Variants in FRMD3 observed in about 807,000 individuals in gnomAD.
The protein encoded by FRMD3 is FERM domain-containing protein 3.
In FRMD3, 33 loss-of-function variants were observed where a neutral mutation model predicts 70.2. That is an observed-to-expected ratio of 0.47 (90% CI 0.36 to 0.63). FRMD3 has a LOEUF of 0.63. FRMD3 is among the 20% of genes least tolerant of loss of function. The pLI is 0.00. For missense variants in FRMD3, 632 were observed against 711.4 expected (o/e 0.89, Z 1.27); for synonymous variants, 279 against 255.9 (o/e 1.09, Z -0.86).
intron 1 of FRMD3, among the ~76,000 whole-genome samples, chr9:83,398,718 G>A (rs865831687): frequency 2.8e-4 from 43 of 152,306 alleles, no homozygotes; most frequent in Middle Eastern, 3.4e-3. Context: ...CTGTTTTAGA[G>A]TAATAATTAG....
chr9:83,421,232 G>A lies in FRMD3; in HGVS notation c.148-31524C>T, dbSNP rs578071419. On this transcript the variant is annotated intron_variant, in intron 1 of 13. Transcript: ENST00000304195. Reference sequence around the variant, plus strand: ...TGGGATTACAGGCGTGAGCCACCGCGCCCGGCCGAGCCATCTTTTCTTCAT... The same window carrying A: ...TGGGATTACAGGCGTGAGCCACCGCACCCGGCCGAGCCATCTTTTCTTCAT... 1.4e-4 allele frequency among the ~76,000 whole-genome samples: 22 copies of A among 152,100 alleles called. No individual in the cohort carries two copies. In the South Asian group the frequency reaches 4.1e-3, roughly 29 times the overall value.
At chr9:83,385,801 T>C (rs1047155285) in intron 2 of FRMD3, among the ~76,000 whole-genome samples, 6 of 152,144 alleles carry the variant, frequency 3.9e-5, no homozygotes, top group Non-Finnish European at 8.8e-5. Flanking sequence ...CATGTCTCTG[T>C]TTATGTCTTT....
At position 83,429,843 on chromosome 9, in the gene FRMD3, C is replaced by G. The variant is rs79202755; in HGVS notation, c.148-40135G>C. Among the ~76,000 whole-genome samples the G allele has an allele frequency of 2.3e-4, 35 of 152,274 alleles. No homozygotes were observed. In the East Asian group the frequency reaches 6.8e-3, roughly 29 times the overall value. On this transcript the variant is annotated intron_variant, in intron 1 of 13. Coordinates refer to ENST00000304195, the MANE Select transcript of FRMD3 (RefSeq NM_174938.6). ...ATCTCATTCAGCCCCCTGGCTCCAA[C>G]TCTGACCTCTATGCAGAGATGCGAA... is the stretch of plus-strand genomic sequence containing the variant.
intron 1 of FRMD3, among the ~76,000 whole-genome samples, chr9:83,407,275 G>T (rs1351165432): frequency 6.6e-6 from 1 of 152,026 alleles, no homozygotes; most frequent in African/African-American, 2.4e-5. Flanking sequence ...TAAATACTTG[G>T]TACAAATATT....
At chr9:83,472,247 A>ATAT (rs2131460693) in intron 1 of FRMD3, among the ~76,000 whole-genome samples, 1 of 152,354 alleles carries the variant, frequency 6.6e-6, no homozygotes, top group South Asian at 2.1e-4. Flanking sequence ...CCCAAGAGCC[A>ATAT]TAAATAAGCT....
chr9:83,408,925 GAGGCGAGAAGGA>G (rs1826201512), intron 1 of FRMD3, among the ~76,000 whole-genome samples: 1 of 152,192 alleles, frequency 6.6e-6, no homozygotes, highest in South Asian at 2.1e-4. Flanking sequence ...TCCTGAGAAA[GAGGCGAGAAGGA>G]AGAGAGCAGC....
downstream of FRMD3, chr9:83,243,088 C>T (rs58353229): frequency 0.011 from 10,605 of 995,330 alleles, 665 homozygotes; most frequent in African/African-American, 0.14. Context: ...TGACGGCTGC[C>T]GAGCCCACTG....
chr9:83,565,828 A>T, the FRMD3 span, among the ~76,000 whole-genome samples: 1 of 152,260 alleles, frequency 6.6e-6, no homozygotes, highest in South Asian at 2.1e-4. Flanking sequence ...GCCAGTGGAG[A>T]AATTTGAGAA....
At chr9:83,558,245 G>A in the FRMD3 span, among the ~76,000 whole-genome samples, 16 of 147,894 alleles carry the variant, frequency 1.1e-4, no homozygotes, top group African/African-American at 4.0e-4. Flanking sequence ...ATTTAAAAAT[G>A]TGTAAAACGC....
chr9:83,557,082 T>C, the FRMD3 span, among the ~76,000 whole-genome samples: 1 of 152,178 alleles, frequency 6.6e-6, no homozygotes, highest in Non-Finnish European at 1.5e-5. Context: ...AAATTAAATG[T>C]TAAGAGCTAT....
intron 10 of FRMD3, among the ~76,000 whole-genome samples, chr9:83,303,996 T>C (rs1394416386): frequency 1.3e-5 from 2 of 152,234 alleles, no homozygotes; most frequent in Admixed American, 1.3e-4. Context: ...ATGCAATATG[T>C]GGTGCTTTGT....
chr9:83,580,775 A>C, the FRMD3 span, among the ~76,000 whole-genome samples: 2 of 152,196 alleles, frequency 1.3e-5, no homozygotes, highest in Non-Finnish European at 2.9e-5. Flanking sequence ...GTATTGCCAC[A>C]AAAAATATCA....
At chr9:83,329,442 C>T (rs1398146938) in intron 6 of FRMD3, among the ~76,000 whole-genome samples, 1 of 152,152 alleles carries the variant, frequency 6.6e-6, no homozygotes, top group African/African-American at 2.4e-5. Flanking sequence ...CTTCTCAAAA[C>T]TGACAAAAAC....
At chr9:83,309,400 T>C (rs1345782062) in intron 10 of FRMD3, 136 bp downstream of exon 10, 5 of 575,964 alleles carry the variant, frequency 8.7e-6, no homozygotes, top group Non-Finnish European at 1.2e-5. Flanking sequence ...CCCTGAACAA[T>C]GCACAAAATT....
chr9:83,550,717 T>TGTGTGTGTGTGTGC, the FRMD3 span, among the ~76,000 whole-genome samples: 1 of 151,658 alleles, frequency 6.6e-6, no homozygotes, highest in South Asian at 2.1e-4. Flanking sequence ...TGTGTGTGTG[T>TGTGTGTGTGTGTGC]GTGTGTGCAT....
At chr9:83,360,586 C>A (rs1419505260) in intron 3 of FRMD3, among the ~76,000 whole-genome samples, 1 of 152,104 alleles carries the variant, frequency 6.6e-6, no homozygotes, top group African/African-American at 2.4e-5. Flanking sequence ...GAAAGTACTG[C>A]CCCAGAGATA....
chr9:83,455,540 T>C (rs1827794394), intron 1 of FRMD3, among the ~76,000 whole-genome samples: 1 of 152,234 alleles, frequency 6.6e-6, no homozygotes, highest in African/African-American at 2.4e-5. Flanking sequence ...CCTCCCGCAA[T>C]GATTCTGAGG....
At chr9:83,415,962 T>A (rs1438146561) in intron 1 of FRMD3, among the ~76,000 whole-genome samples, 2 of 152,210 alleles carry the variant, frequency 1.3e-5, no homozygotes. Flanking sequence ...ATGATGTGGC[T>A]TCTTCTTGCT....
intron 12 of FRMD3, 135 bp downstream of exon 12, chr9:83,298,609 ATCTG>A (rs1282371439): frequency 1.5e-6 from 1 of 671,112 alleles, no homozygotes; most frequent in African/African-American, 1.8e-5. Flanking sequence ...GCCCAGGCAA[ATCTG>A]TCTGAGTGAG....
Sources: gnomAD v4.1 joint callset for allele counts (sites outside exome capture counted in the v4.1 genomes callset) on GRCh38, gnomAD v4.1.1 for gene constraint, MANE v1.5 for transcripts, NCBI Gene and HGNC (gene_info 2026-07-23, HGNC 2026-07-21) for gene names.